KCNAB1: variants seen among roughly 807,000 people sequenced by gnomAD.
The protein encoded by KCNAB1 is potassium voltage-gated channel subfamily A regulatory beta subunit 1.
KCNAB1 carries 35 observed loss-of-function variants against 64.6 expected under a neutral mutation model. The ratio of observed to expected loss-of-function variants is 0.54; its 90% CI spans 0.41 to 0.72. KCNAB1 has a LOEUF of 0.72. Ranked by LOEUF, KCNAB1 falls within the 30% of genes least tolerant of loss-of-function variation. The probability of loss-of-function intolerance (pLI) is 0.00; values close to 1 mark genes in which losing one functional copy is unlikely to be tolerated. For missense variants in KCNAB1, 401 were observed against 512.9 expected (o/e 0.78, Z 2.11); for synonymous variants, 177 against 183.8 (o/e 0.96, Z 0.30).
intron 12 of KCNAB1, among the ~76,000 whole-genome samples, chr3:156,527,492 G>A (rs897665814): frequency 6.6e-6 from 1 of 152,080 alleles, no homozygotes; most frequent in African/African-American, 2.4e-5. Context: ...ATGGTTTTTA[G>A]ATAGTAACAT....
chr3:156,309,451 A>G (rs1721738382), intron 1 of KCNAB1, among the ~76,000 whole-genome samples: 1 of 152,242 alleles, frequency 6.6e-6, no homozygotes, highest in African/African-American at 2.4e-5. Context: ...TTCATGTTCC[A>G]TTCAAGTCAA....
At chr3:156,399,132 A>G (rs1290805709) in intron 1 of KCNAB1, among the ~76,000 whole-genome samples, 1 of 152,206 alleles carries the variant, frequency 6.6e-6, no homozygotes, top group Non-Finnish European at 1.5e-5. Flanking sequence ...ATTGGATATA[A>G]AAGATACACC....
chr3:156,274,488 C>G (rs1378522298), intron 1 of KCNAB1, among the ~76,000 whole-genome samples: 3 of 151,836 alleles, frequency 2.0e-5, no homozygotes, highest in African/African-American at 4.8e-5. Flanking sequence ...AAATACAGTA[C>G]TTGGAGCATA....
At position 156,189,772 on chromosome 3, in the gene KCNAB1, A is replaced by G. The variant is rs75763734; in HGVS notation, c.275+68886A>G. ...TTCAGACACAGGTTAGGAAACATCTATCTCCAAAAGGTACAGGCAATATGG... is the reference window on the plus strand; with the variant it reads ...TTCAGACACAGGTTAGGAAACATCTGTCTCCAAAAGGTACAGGCAATATGG... On this transcript the variant is annotated intron_variant, in intron 1 of 13. Coordinates refer to ENST00000490337, the MANE Select transcript of KCNAB1 (RefSeq NM_172160.3). Among the ~76,000 whole-genome samples the G allele has an allele frequency of 6.0e-3, 910 of 152,308 alleles. 9 individuals carry two copies. Among genetic ancestry groups the G allele is most frequent in the African/African-American group, 0.021 (867 of 41,544 alleles).
intron 2 of KCNAB1, among the ~76,000 whole-genome samples, chr3:156,437,611 A>G (rs1189543147): frequency 6.6e-6 from 1 of 152,102 alleles, no homozygotes; most frequent in East Asian, 1.9e-4. Flanking sequence ...GAGACTGCTG[A>G]TATTATTTTT....
chr3:156,420,605 G>A (rs1715404137), intron 1 of KCNAB1, among the ~76,000 whole-genome samples: 2 of 152,154 alleles, frequency 1.3e-5, no homozygotes, highest in Admixed American at 1.3e-4. Flanking sequence ...GAGCAAGAAG[G>A]GAAACTGTAT....
chr3:156,124,639 A>G (rs1274369369), intron 1 of KCNAB1, among the ~76,000 whole-genome samples: 4 of 152,164 alleles, frequency 2.6e-5, no homozygotes, highest in Non-Finnish European at 5.9e-5. Context: ...AATATTATCC[A>G]GTTGCTTTCT....
intron 1 of KCNAB1, among the ~76,000 whole-genome samples, chr3:156,419,754 T>A (rs1715344849): frequency 6.6e-6 from 1 of 152,220 alleles, no homozygotes; most frequent in Non-Finnish European, 1.5e-5. Context: ...TTACTGGAAT[T>A]ACATGTTGGT....
intron 1 of KCNAB1, among the ~76,000 whole-genome samples, chr3:156,340,031 T>C (rs999854676): frequency 1.3e-5 from 2 of 152,230 alleles, no homozygotes; most frequent in African/African-American, 2.4e-5. Flanking sequence ...ACTTCTGAAG[T>C]TCAAATGCTA....
chr3:156,422,871 C>A (rs553610695), intron 2 of KCNAB1, among the ~76,000 whole-genome samples: 1 of 152,148 alleles, frequency 6.6e-6, no homozygotes, highest in East Asian at 1.9e-4. Context: ...GAAAATAAAG[C>A]AACCAGCGCA....
At chr3:156,144,295 A>G (rs192577413) in intron 1 of KCNAB1, among the ~76,000 whole-genome samples, 7 of 152,298 alleles carry the variant, frequency 4.6e-5, no homozygotes, top group African/African-American at 7.2e-5. Context: ...TTTTTCATGT[A>G]CAAGATGTCC....
intron 1 of KCNAB1, among the ~76,000 whole-genome samples, chr3:156,230,819 T>C (rs963483505): frequency 9.8e-5 from 15 of 152,340 alleles, no homozygotes; most frequent in African/African-American, 3.1e-4. Flanking sequence ...TGATTGTGTA[T>C]CTTCTGTGTG....
At chr3:156,326,380 T>A (rs138234348) in intron 1 of KCNAB1, among the ~76,000 whole-genome samples, 70 of 152,274 alleles carry the variant, frequency 4.6e-4, no homozygotes, top group South Asian at 8.3e-4. Flanking sequence ...TGACCATATG[T>A]CATAGAATAT....
chr3:156,529,424 A>C (rs1718541235), intron 12 of KCNAB1, among the ~76,000 whole-genome samples: 1 of 152,110 alleles, frequency 6.6e-6, no homozygotes, highest in African/African-American at 2.4e-5. Context: ...ATTTATAAAA[A>C]TTATTTAATG....
chr3:156,526,210 G>A (rs1718298169), intron 12 of KCNAB1, among the ~76,000 whole-genome samples: 1 of 152,196 alleles, frequency 6.6e-6, no homozygotes, highest in Non-Finnish European at 1.5e-5. Flanking sequence ...TAGCCTAGAT[G>A]TGCAGTAGGC....
intron 7 of KCNAB1, among the ~76,000 whole-genome samples, chr3:156,467,488 G>A (rs1187281017): frequency 6.6e-6 from 1 of 151,990 alleles, no homozygotes; most frequent in Non-Finnish European, 1.5e-5. Context: ...AATAGATAAG[G>A]AAGCCAGGTT....
chr3:156,342,585 C>CTT (rs60982892), intron 1 of KCNAB1, among the ~76,000 whole-genome samples: 234 of 86,212 alleles, frequency 2.7e-3, no homozygotes, highest in Middle Eastern at 0.016. Context: ...CTATGTGTTT[C>CTT]TTTTTTTTTT....
intron 1 of KCNAB1, among the ~76,000 whole-genome samples, chr3:156,399,386 G>A (rs180820720): frequency 1.3e-5 from 2 of 152,212 alleles, no homozygotes; most frequent in African/African-American, 4.8e-5. Flanking sequence ...TCAAGTCTGG[G>A]CCATTTGTGG....
chr3:156,144,137 CT>C (rs1714902682), intron 1 of KCNAB1, among the ~76,000 whole-genome samples: 1 of 152,114 alleles, frequency 6.6e-6, no homozygotes, highest in Non-Finnish European at 1.5e-5. Context: ...CAAGTGCTTC[CT>C]TTACGTACGC....
Sources: allele counts gnomAD v4.1 joint callset (sites outside exome capture counted in the v4.1 genomes callset), GRCh38; gene constraint gnomAD v4.1.1; transcripts MANE v1.5; gene names NCBI Gene and HGNC (gene_info 2026-07-23, HGNC 2026-07-21).